Variants in CHSY3 observed in about 807,000 individuals in gnomAD.
CHSY3 encodes N-acetylgalactosaminyl-proteoglycan 3-beta-glucuronosyltransferase 3.
A neutral mutation model predicts 67.2 loss-of-function variants in CHSY3; 35 were observed. The ratio of observed to expected loss-of-function variants is 0.52; its 90% CI spans 0.40 to 0.69. CHSY3 has a LOEUF of 0.69. Ranked by LOEUF, CHSY3 falls within the 30% of genes least tolerant of loss-of-function variation. The pLI is 0.00. For missense variants in CHSY3, 1,069 were observed against 1,138.5 expected, an observed-to-expected ratio of 0.94 and a Z score of 0.88; for synonymous variants, 474 against 434.7, an observed-to-expected ratio of 1.09 and a Z score of -1.12.
At chr5:130,125,454 G>GATAT (rs1278865041) in intron 2 of CHSY3, among the ~76,000 whole-genome samples, 23 of 150,996 alleles carry the variant, frequency 1.5e-4, no homozygotes, top group African/African-American at 5.7e-4. Context: ...TAGATAGATA[G>GATAT]ACAGACAGAC....
intron 2 of CHSY3, among the ~76,000 whole-genome samples, chr5:130,163,768 A>G (rs1483273033): frequency 6.6e-6 from 1 of 151,948 alleles, no homozygotes; most frequent in African/African-American, 2.4e-5. Flanking sequence ...TAACATATAA[A>G]TGTCTAATTG....
intron 2 of CHSY3, among the ~76,000 whole-genome samples, chr5:130,148,045 G>A (rs1423279995): frequency 1.3e-5 from 2 of 151,944 alleles, no homozygotes; most frequent in Non-Finnish European, 2.9e-5. Flanking sequence ...CCCTTTATGT[G>A]TATATGTGTT....
At chr5:130,089,024 A>G (rs1269334004) in intron 2 of CHSY3, among the ~76,000 whole-genome samples, 1 of 152,060 alleles carries the variant, frequency 6.6e-6, no homozygotes, top group Non-Finnish European at 1.5e-5. Flanking sequence ...CATATACACC[A>G]TGGAATACTA....
At chr5:129,988,135 G>T (rs1454942673) in intron 2 of CHSY3, among the ~76,000 whole-genome samples, 1 of 152,110 alleles carries the variant, frequency 6.6e-6, no homozygotes, top group African/African-American at 2.4e-5. Flanking sequence ...GTTAAAAACA[G>T]GTTATTTTCC....
chr5:130,141,546 T>C (rs1485597996), intron 2 of CHSY3: 2 of 402,838 alleles, frequency 5.0e-6, no homozygotes, highest in African/African-American at 4.2e-5. Flanking sequence ...ACAAGGGCCA[T>C]TTGAGCAAGG....
At chr5:129,972,692 C>T (rs1225921013) in intron 2 of CHSY3, among the ~76,000 whole-genome samples, 1 of 151,726 alleles carries the variant, frequency 6.6e-6, no homozygotes, top group African/African-American at 2.4e-5. Flanking sequence ...AGGTTAACTC[C>T]CCCACACCCA....
intron 2 of CHSY3, among the ~76,000 whole-genome samples, chr5:129,935,486 C>A (rs561842276): frequency 4.7e-4 from 72 of 152,238 alleles, no homozygotes; most frequent in Admixed American, 8.5e-4. Flanking sequence ...GACAATGTAT[C>A]ATTTAGACAA....
At chr5:130,160,250 C>T (rs1201546589) in intron 2 of CHSY3, among the ~76,000 whole-genome samples, 1 of 152,190 alleles carries the variant, frequency 6.6e-6, no homozygotes, top group Non-Finnish European at 1.5e-5. Context: ...AGTTCCTTGT[C>T]CATCTGACTC....
At chr5:130,127,704 A>G (rs1768339564) in intron 2 of CHSY3, among the ~76,000 whole-genome samples, 1 of 152,220 alleles carries the variant, frequency 6.6e-6, no homozygotes, top group Non-Finnish European at 1.5e-5. Context: ...GAAATTCCTG[A>G]TGTTGAAACT....
chr5:129,918,808 TAA>T (rs67920872), intron 2 of CHSY3, among the ~76,000 whole-genome samples: 3 of 145,284 alleles, frequency 2.1e-5, no homozygotes, highest in African/African-American at 5.1e-5. Flanking sequence ...GATTCTCTTT[TAA>T]AAAAAAAAAA....
chr5:130,178,999 A>G (rs1770166140), intron 2 of CHSY3, among the ~76,000 whole-genome samples: 1 of 152,190 alleles, frequency 6.6e-6, no homozygotes, highest in Non-Finnish European at 1.5e-5. Flanking sequence ...TAGATCTATT[A>G]CCACTTATCT....
chr5:129,904,933 G>T lies in CHSY3; in HGVS notation c.104G>T (p.Ser35Ile). 6.5e-7 allele frequency: 1 copy of T among 1,547,828 alleles called. No individual in the cohort carries two copies. Among genetic ancestry groups the T allele is most frequent in the Non-Finnish European group, 8.7e-7 (1 of 1,150,486 alleles). The change falls in exon 1 of 3, where the codon AGC becomes ATC. Residue 35 changes from serine (S) to isoleucine (I), a missense_variant. Transcript: ENST00000305031. ...ATCGCCCCCAGGGTGGCGGAGCTGA[G>T]CGAGAGGAAGAGACGTGGCTCCAGC... ...WLIAPRVAEL[S>I]ERKRRGSSLC...
At chr5:129,937,368 A>C (rs1166917686) in intron 2 of CHSY3, among the ~76,000 whole-genome samples, 3 of 152,126 alleles carry the variant, frequency 2.0e-5, no homozygotes, top group Non-Finnish European at 4.4e-5. Context: ...GCAAGGGGGA[A>C]GTCCACTCCC....
intron 2 of CHSY3, among the ~76,000 whole-genome samples, chr5:130,168,195 C>G (rs746509590): frequency 6.6e-6 from 1 of 152,112 alleles, no homozygotes; most frequent in African/African-American, 2.4e-5. Context: ...AGCTGGCAAA[C>G]GCCTTCATTG....
chr5:130,155,414 A>T (rs1380088829), intron 2 of CHSY3, among the ~76,000 whole-genome samples: 1 of 152,172 alleles, frequency 6.6e-6, no homozygotes, highest in African/African-American at 2.4e-5. Context: ...AAATCTGTTC[A>T]AGGCCCTATT....
In CHSY3 at chr5:130,122,803, G is replaced by A. The variant is rs577001618; in HGVS notation, c.1087-61426G>A. Among the ~76,000 whole-genome samples the A allele has an allele frequency of 4.7e-4, 72 of 152,174 alleles. No homozygotes were observed. The South Asian group carries it at 0.011, about 22-fold the overall frequency. Reference sequence around the variant, plus strand: ...TTAAAGCCTAAGTGTGTTTTTCTTCGTGTCATTTATAAATGTTCTTTCATA... The same window carrying A: ...TTAAAGCCTAAGTGTGTTTTTCTTCATGTCATTTATAAATGTTCTTTCATA... On this transcript the variant is annotated intron_variant, in intron 2 of 2. Transcript: ENST00000305031.
At chr5:130,014,677 G>C (rs935385134) in intron 2 of CHSY3, among the ~76,000 whole-genome samples, 2 of 152,118 alleles carry the variant, frequency 1.3e-5, no homozygotes, top group African/African-American at 4.8e-5. Context: ...GGCAAAGCCA[G>C]ACCATATCAA....
At chr5:129,959,118 A>C (rs1271299221) in intron 2 of CHSY3, among the ~76,000 whole-genome samples, 1 of 152,046 alleles carries the variant, frequency 6.6e-6, no homozygotes, top group African/African-American at 2.4e-5. Context: ...TTTCCTTCTC[A>C]TGATAATTAA....
At chr5:129,917,806 T>C (rs908803596) in intron 2 of CHSY3, among the ~76,000 whole-genome samples, 2 of 152,112 alleles carry the variant, frequency 1.3e-5, no homozygotes, top group African/African-American at 4.8e-5. Context: ...TTTGAAAAAA[T>C]TCTGATGCTG....
Sources: gnomAD v4.1 joint callset for allele counts (sites outside exome capture counted in the v4.1 genomes callset) on GRCh38, gnomAD v4.1.1 for gene constraint, MANE v1.5 for transcripts, NCBI Gene and HGNC (gene_info 2026-07-23, HGNC 2026-07-21) for gene names.